Variants in CCDC7 observed in about 807,000 individuals in gnomAD.
CCDC7 encodes the protein coiled-coil domain-containing protein 7.
A neutral mutation model predicts 196.9 loss-of-function variants in CCDC7; 183 were observed. The observed-to-expected ratio is 0.93, with a 90% confidence interval of 0.82 to 1.05. The LOEUF (loss-of-function observed/expected upper bound fraction) is 1.05. Ranked by LOEUF, CCDC7 falls within the 50% of genes least tolerant of loss-of-function variation. The pLI, the probability that CCDC7 is intolerant of heterozygous loss-of-function variation, is 0.00. For missense variants in CCDC7, 1,540 were observed against 1,482.2 expected, an observed-to-expected ratio of 1.04 and a Z score of -0.64; for synonymous variants, 525 against 484.6, an observed-to-expected ratio of 1.08 and a Z score of -1.10.
chr10:32,633,682 G>GTGTATA (rs1554927922), intron 18 of CCDC7, among the ~76,000 whole-genome samples: 7 of 121,762 alleles, frequency 5.7e-5, no homozygotes, highest in Admixed American at 9.5e-5. Flanking sequence ...TTAGCTTTGT[G>GTGTATA]TATATATATA....
intron 33 of CCDC7, among the ~76,000 whole-genome samples, chr10:32,835,316 T>G (rs1322027723): frequency 6.6e-6 from 1 of 152,148 alleles, no homozygotes; most frequent in African/African-American, 2.4e-5. Context: ...TTTATGAATC[T>G]GTGTGCTCAT....
chr10:32,815,720 G>C (rs1044610467), intron 31 of CCDC7, among the ~76,000 whole-genome samples: 5 of 152,122 alleles, frequency 3.3e-5, no homozygotes, highest in African/African-American at 1.2e-4. Context: ...TGTTGAAAAA[G>C]AAAGAGAAAA....
intron 5 of CCDC7, among the ~76,000 whole-genome samples, chr10:32,467,596 A>C (rs1395568791): frequency 6.6e-6 from 1 of 151,952 alleles, no homozygotes; most frequent in Non-Finnish European, 1.5e-5. Flanking sequence ...GTTTAATTGG[A>C]TCCTATTTGT....
intron 18 of CCDC7, among the ~76,000 whole-genome samples, chr10:32,597,588 G>A (rs2060525987): frequency 6.6e-6 from 1 of 152,192 alleles, no homozygotes; most frequent in South Asian, 2.1e-4. Context: ...TTCTTTGGAG[G>A]AGAAGAGGTG....
Position 32,687,689 on chromosome 10 carries a change from A to G in CCDC7, c.2234-1364A>G, listed in dbSNP as rs562833390. Among the ~76,000 whole-genome samples the G allele has an allele frequency of 2.0e-5, 3 of 152,338 alleles. No individual in the cohort carries two copies. The East Asian group carries it at 5.8e-4, about 29-fold the overall frequency. On this transcript the variant is annotated intron_variant, in intron 22 of 41. Transcript: ENST00000639629. ...ACCTCTTTGAACTCTGACTTGGTAT[A>G]CATCCTCAGGTGCCACTGTGGAAAT...
chr10:32,620,081 C>A (rs960408484), intron 18 of CCDC7, among the ~76,000 whole-genome samples: 1 of 151,882 alleles, frequency 6.6e-6, no homozygotes, highest in Non-Finnish European at 1.5e-5. Flanking sequence ...CACCACCACA[C>A]TCGGCTAATT....
chr10:32,563,072 C>T (rs958494581), intron 13 of CCDC7, among the ~76,000 whole-genome samples: 3 of 151,998 alleles, frequency 2.0e-5, no homozygotes, highest in Non-Finnish European at 4.4e-5. Flanking sequence ...GAATAAAATA[C>T]CTAGGAATCC....
At chr10:32,879,187 T>C (rs2094699117), downstream of CCDC7, among the ~76,000 whole-genome samples, 2 of 150,842 alleles carry the variant, frequency 1.3e-5, no homozygotes, top group Non-Finnish European at 3.0e-5. Flanking sequence ...TAAAAAAATT[T>C]TGATTATCAT....
At chr10:32,490,741 T>C (rs2042017658) in intron 8 of CCDC7, among the ~76,000 whole-genome samples, 1 of 151,832 alleles carries the variant, frequency 6.6e-6, no homozygotes, top group South Asian at 2.1e-4. Context: ...GAGCTTGCAG[T>C]GAGCTGAGAT....
rs374470371 is a variant in CCDC7, at chr10:32,451,790, C to T, written c.148C>T (p.Pro50Ser). ...AAAATTAATTCATGATAAAATTGAA[C>T]CAATGGTCCTAAGATCTCCACCAAC... Residue 50 changes from proline to serine, a missense_variant, in exon 1 of 42, where the codon CCA (proline) becomes TCA (serine). Transcript: ENST00000639629. 9 of 1,613,994 alleles carry T rather than the reference C, an allele frequency of 5.6e-6. No individual in the cohort carries two copies. The African/African-American group carries it at 8.0e-5, about 14-fold the overall frequency.
chr10:32,609,269 T>G (rs924522151), intron 18 of CCDC7, among the ~76,000 whole-genome samples: 1 of 152,152 alleles, frequency 6.6e-6, no homozygotes, highest in Non-Finnish European at 1.5e-5. Context: ...TAATATTTAC[T>G]ATAAATATCT....
intron 41 of CCDC7, among the ~76,000 whole-genome samples, chr10:32,875,801 G>C (rs2094580811): frequency 6.6e-6 from 1 of 151,918 alleles, no homozygotes; most frequent in Non-Finnish European, 1.5e-5. Context: ...TTTCCTCCAT[G>C]ATACTAAGTT....
intron 21 of CCDC7, among the ~76,000 whole-genome samples, chr10:32,685,084 A>G (rs939471609): frequency 1.3e-5 from 2 of 152,052 alleles, no homozygotes; most frequent in African/African-American, 2.4e-5. Context: ...GTAATCAACT[A>G]TATTGTATTC....
intron 8 of CCDC7, among the ~76,000 whole-genome samples, chr10:32,490,918 C>T (rs1241236473): frequency 6.6e-6 from 1 of 152,166 alleles, no homozygotes; most frequent in East Asian, 1.9e-4. Context: ...GCTGGCTTCT[C>T]CCAGTATCCT....
chr10:32,475,048 A>G (rs1166168544), intron 8 of CCDC7, among the ~76,000 whole-genome samples: 1 of 152,224 alleles, frequency 6.6e-6, no homozygotes, highest in Non-Finnish European at 1.5e-5. Flanking sequence ...GTAGAAAGGT[A>G]TATAGAACTT....
rs1333619510 is a variant in CCDC7 at position 32,511,268 on chromosome 10, G to GGGGA, written c.873-6676_873-6675insGGAG. 24 of 529,660 alleles carry GGGGA rather than the reference G, an allele frequency of 4.5e-5. 1 individual carries two copies. Among genetic ancestry groups the GGGGA allele is most frequent in the Middle Eastern group, 5.1e-4 (1 of 1,974 alleles). 32.8% of individuals were successfully genotyped at this position (529,660 alleles called of 1,614,324 possible). A position where few individuals can be genotyped will look rare whatever the true frequency, so the allele number is the denominator to read the frequency against. ...GAATTATTCTGTGGGGGGCGGGGGG[G>GGGGA]GCGGGGAAATGTACTTTTTGAATAT... On this transcript the variant is annotated intron_variant, in intron 9 of 41. Coordinates refer to ENST00000639629, the Ensembl canonical transcript of CCDC7.
chr10:32,526,989 G>T (rs1364644984), intron 11 of CCDC7, among the ~76,000 whole-genome samples: 2 of 152,088 alleles, frequency 1.3e-5, no homozygotes, highest in East Asian at 1.9e-4. Context: ...TCTAGAAATT[G>T]CAGTCCATGT....
intron 11 of CCDC7, among the ~76,000 whole-genome samples, chr10:32,539,816 A>G (rs2051113463): frequency 6.6e-6 from 1 of 151,956 alleles, no homozygotes; most frequent in South Asian, 2.1e-4. Flanking sequence ...GCATAATTGT[A>G]TGGTTTTGAG....
At chr10:32,773,898 G>T (rs1465263427) in intron 28 of CCDC7, among the ~76,000 whole-genome samples, 3 of 152,096 alleles carry the variant, frequency 2.0e-5, no homozygotes, top group African/African-American at 7.2e-5. Flanking sequence ...AAATTAAATG[G>T]TGCACTGGAA....
Sources: allele counts gnomAD v4.1 joint callset (sites outside exome capture counted in the v4.1 genomes callset), GRCh38; gene constraint gnomAD v4.1.1; transcripts MANE v1.5; gene names NCBI Gene and HGNC (gene_info 2026-07-23, HGNC 2026-07-21).